ARHGAP15: variants seen among roughly 807,000 people sequenced by gnomAD.
ARHGAP15 encodes the protein Rho GTPase activating protein 15.
ARHGAP15 carries 51 observed loss-of-function variants against 63.7 expected under a neutral mutation model. That is an observed-to-expected ratio of 0.80 (90% CI 0.64 to 1.01). The LOEUF is 1.01. ARHGAP15 is among the 50% of genes least tolerant of loss of function. The pLI, the probability that ARHGAP15 is intolerant of heterozygous loss-of-function variation, is 0.00. For synonymous variants in ARHGAP15, 191 were observed against 193.8 expected, an observed-to-expected ratio of 0.99 and a Z score of 0.12; for missense variants, 560 against 564.6, an observed-to-expected ratio of 0.99 and a Z score of 0.08.
intron 6 of ARHGAP15, among the ~76,000 whole-genome samples, chr2:143,380,670 C>T (rs1220781542): frequency 6.6e-6 from 1 of 152,128 alleles, no homozygotes; most frequent in Non-Finnish European, 1.5e-5. Context: ...AGTTGCTGCG[C>T]TTCCTTGTAT....
chr2:143,694,201 G>A (rs1683741185), intron 12 of ARHGAP15, among the ~76,000 whole-genome samples: 1 of 152,158 alleles, frequency 6.6e-6, no homozygotes, highest in Non-Finnish European at 1.5e-5. Flanking sequence ...TAAAAAGAAA[G>A]GGGTGGGGGA....
intron 6 of ARHGAP15, among the ~76,000 whole-genome samples, chr2:143,269,369 T>A (rs866337169): frequency 2.6e-5 from 4 of 152,182 alleles, no homozygotes. Flanking sequence ...GAAGTCATGA[T>A]CCTTACAATC....
intron 8 of ARHGAP15, among the ~76,000 whole-genome samples, chr2:143,468,237 CTCTTAT>C (rs552490263): frequency 4.2e-4 from 64 of 151,604 alleles, no homozygotes; most frequent in African/African-American, 1.5e-3. Context: ...TTAAGACATG[CTCTTAT>C]TCTTAATATT....
chr2:143,207,978 C>A lies in ARHGAP15; in HGVS notation c.234+5776C>A, dbSNP rs1048862493. Reference sequence around the variant, plus strand: ...ACTTTCATCTCTCCAACTCTCCTCACCTCCACCATGCCTTAGGGTGGCTTC... The same window carrying A: ...ACTTTCATCTCTCCAACTCTCCTCAACTCCACCATGCCTTAGGGTGGCTTC... On this transcript the variant is annotated intron_variant, in intron 3 of 13. Transcript: ENST00000295095. 2.6e-4 allele frequency among the ~76,000 whole-genome samples: 40 copies of A among 152,154 alleles called. 1 individual carries two copies. Among genetic ancestry groups the A allele is most frequent in the African/African-American group, 9.4e-4 (39 of 41,456 alleles).
chr2:143,410,664 A>G (rs1688402884), intron 6 of ARHGAP15, among the ~76,000 whole-genome samples: 1 of 151,460 alleles, frequency 6.6e-6, no homozygotes, highest in African/African-American at 2.5e-5. Context: ...GAGACTGGAA[A>G]TGGGCAGAAA....
chr2:143,668,203 T>C (rs1682330768), intron 12 of ARHGAP15, among the ~76,000 whole-genome samples: 1 of 151,830 alleles, frequency 6.6e-6, no homozygotes, highest in South Asian at 2.1e-4. Flanking sequence ...TTCAGATTTA[T>C]CTGGATCTTG....
intron 13 of ARHGAP15, among the ~76,000 whole-genome samples, chr2:143,729,927 A>T (rs921952548): frequency 9.2e-5 from 14 of 152,186 alleles, no homozygotes; most frequent in African/African-American, 3.4e-4. Flanking sequence ...TGAGAGGGAG[A>T]AATCATAAAT....
intron 13 of ARHGAP15, among the ~76,000 whole-genome samples, chr2:143,717,604 T>C (rs976040296): frequency 6.6e-6 from 1 of 152,164 alleles, no homozygotes. Context: ...AACTGTGGAG[T>C]TGTTCCCTGA....
chr2:143,607,813 G>T (rs567290690), intron 11 of ARHGAP15: 1 of 152,246 alleles, frequency 6.6e-6, no homozygotes, highest in East Asian at 1.9e-4. Context: ...AGCTCACAAA[G>T]CCATGTTCTC....
chr2:143,399,673 G>A (rs1687915996), intron 6 of ARHGAP15, among the ~76,000 whole-genome samples: 1 of 151,912 alleles, frequency 6.6e-6, no homozygotes, highest in South Asian at 2.1e-4. Flanking sequence ...TCTTAAAAAG[G>A]TTAAGAGACT....
intron 11 of ARHGAP15, among the ~76,000 whole-genome samples, chr2:143,559,683 C>G (rs1231614857): frequency 6.6e-6 from 1 of 152,184 alleles, no homozygotes; most frequent in Non-Finnish European, 1.5e-5. Context: ...GACCAGGACT[C>G]TAATAGTAGA....
intron 6 of ARHGAP15, among the ~76,000 whole-genome samples, chr2:143,391,412 G>C (rs1204530892): frequency 1.3e-5 from 2 of 152,096 alleles, no homozygotes; most frequent in African/African-American, 2.4e-5. Flanking sequence ...TGCAACCACA[G>C]AGAAACATTT....
chr2:143,223,181 C>T (rs1406965260), intron 4 of ARHGAP15, among the ~76,000 whole-genome samples: 3 of 151,986 alleles, frequency 2.0e-5, no homozygotes, highest in Non-Finnish European at 4.4e-5. Context: ...GCCATGTTGA[C>T]CAAGTTGGTC....
intron 10 of ARHGAP15, among the ~76,000 whole-genome samples, chr2:143,539,875 T>C (rs1559037827): frequency 1.3e-5 from 2 of 151,970 alleles, no homozygotes; most frequent in African/African-American, 4.8e-5. Context: ...TGGTGGAGGG[T>C]TCTGTAGATG....
chr2:143,352,274 C>T (rs2105316981), intron 6 of ARHGAP15, among the ~76,000 whole-genome samples: 1 of 152,172 alleles, frequency 6.6e-6, no homozygotes, highest in East Asian at 1.9e-4. Flanking sequence ...TGTACTACTG[C>T]CATCTAAATA....
At chr2:143,134,478 C>T (rs1016292131) in intron 1 of ARHGAP15, among the ~76,000 whole-genome samples, 2 of 152,186 alleles carry the variant, frequency 1.3e-5, no homozygotes, top group East Asian at 3.9e-4. Flanking sequence ...GATTAAAGGT[C>T]GATTTGCTTT....
chr2:143,505,340 A>G (rs1251614410), intron 9 of ARHGAP15, among the ~76,000 whole-genome samples: 1 of 152,186 alleles, frequency 6.6e-6, no homozygotes, highest in Non-Finnish European at 1.5e-5. Flanking sequence ...CAAATGAGCA[A>G]TATACAAAGC....
chr2:143,540,207 G>A (rs1225033756), intron 10 of ARHGAP15, among the ~76,000 whole-genome samples: 1 of 152,072 alleles, frequency 6.6e-6, no homozygotes, highest in African/African-American at 2.4e-5. Flanking sequence ...TGCAACCCCT[G>A]CCTTTTTTTG....
intron 13 of ARHGAP15, among the ~76,000 whole-genome samples, chr2:143,734,870 G>T (rs925700548): frequency 3.3e-5 from 5 of 152,118 alleles, no homozygotes; most frequent in African/African-American, 9.7e-5. Context: ...TTGAATTAAA[G>T]AATTCATTTT....
Sources: gnomAD v4.1 joint callset for allele counts (sites outside exome capture counted in the v4.1 genomes callset) on GRCh38, gnomAD v4.1.1 for gene constraint, MANE v1.5 for transcripts, NCBI Gene and HGNC (gene_info 2026-07-23, HGNC 2026-07-21) for gene names.